Variants in CDH22 observed in about 807,000 individuals in gnomAD.
CDH22 encodes the protein cadherin 22.
In CDH22, 30 loss-of-function variants were observed where a neutral mutation model predicts 58.4. That is an observed-to-expected ratio of 0.51 (90% CI 0.38 to 0.70). The LOEUF is 0.70. Ranked by LOEUF, CDH22 falls within the 30% of genes least tolerant of loss-of-function variation. CDH22 has a pLI of 0.00. For synonymous variants in CDH22, 513 were observed against 558.2 expected (o/e 0.92, Z 1.14); for missense variants, 1,014 against 1,233.9 (o/e 0.82, Z 2.67).
intron 7 of CDH22, among the ~76,000 whole-genome samples, chr20:46,208,494 G>T (rs2086016490): frequency 6.6e-6 from 1 of 151,698 alleles, no homozygotes; most frequent in South Asian, 2.1e-4. Context: ...TTTCTCTCCA[G>T]TCTCTTCCTC....
rs187455214 is a variant in CDH22 at position 46,228,838 on chromosome 20, A to G, written c.551-1211T>C. Among the ~76,000 whole-genome samples, 401 of 152,336 alleles carry G rather than the reference A, an allele frequency of 2.6e-3. 3 individuals carry two copies. Among genetic ancestry groups the G allele is most frequent in the African/African-American group, 9.0e-3 (376 of 41,590 alleles). The stretch of plus-strand genomic sequence containing the variant: ...GGTGAGGCCAGTTCACTGCCTGGCT[A>G]ATGAGTGAGAATCTGGAAGTGCTAC... On this transcript the variant is annotated intron_variant, in intron 3 of 11. Transcript: ENST00000537909.
At chr20:46,243,930 T>C (rs1440825617) in intron 2 of CDH22, among the ~76,000 whole-genome samples, 1 of 152,206 alleles carries the variant, frequency 6.6e-6, no homozygotes, top group African/African-American at 2.4e-5. Flanking sequence ...GTCACATGGC[T>C]AAGTGTGGAA....
At chr20:46,184,527 C>A (rs1013126954) in intron 10 of CDH22, among the ~76,000 whole-genome samples, 13 of 152,188 alleles carry the variant, frequency 8.5e-5, no homozygotes, top group African/African-American at 3.1e-4. Flanking sequence ...TCCTCCACCC[C>A]AGCCACTTAT....
intron 4 of CDH22, 22 bp downstream of exon 4, chr20:46,227,486 C>CA: frequency 6.5e-7 from 1 of 1,545,580 alleles, no homozygotes; most frequent in Admixed American, 1.8e-5. Context: ...GGCTCCGCCT[C>CA]TGGCCCCGCC....
At chr20:46,242,936 GAACCAGC>G (rs1203201607) in intron 2 of CDH22, among the ~76,000 whole-genome samples, 2 of 152,296 alleles carry the variant, frequency 1.3e-5, no homozygotes, top group African/African-American at 4.8e-5. Context: ...CTTGGGTGAG[GAACCAGC>G]AAGACGTCTG....
At chr20:46,282,575 C>G (rs891449268) in intron 1 of CDH22, among the ~76,000 whole-genome samples, 3 of 152,182 alleles carry the variant, frequency 2.0e-5, no homozygotes, top group Non-Finnish European at 4.4e-5. Flanking sequence ...AAAATAAAAA[C>G]ACCAAATGCA....
At chr20:46,249,478 A>G (rs2086354643) in intron 2 of CDH22, among the ~76,000 whole-genome samples, 2 of 152,174 alleles carry the variant, frequency 1.3e-5, no homozygotes, top group Admixed American at 1.3e-4. Flanking sequence ...AGCCACATGT[A>G]TGGAGCTTTG....
chr20:46,189,947 A>ATC (rs1161492408), intron 8 of CDH22, among the ~76,000 whole-genome samples: 4 of 142,710 alleles, frequency 2.8e-5, no homozygotes, highest in Non-Finnish European at 6.2e-5. Flanking sequence ...TTGGTCAGTG[A>ATC]TTTTTTTTTT....
At chr20:46,274,266 T>C (rs1260597133) in intron 1 of CDH22, among the ~76,000 whole-genome samples, 3 of 152,098 alleles carry the variant, frequency 2.0e-5, no homozygotes, top group Non-Finnish European at 2.9e-5. Flanking sequence ...CAGGGCTCTC[T>C]GCTCCTTTCT....
At chr20:46,223,899 G>C (rs1730086803) in intron 4 of CDH22, among the ~76,000 whole-genome samples, 1 of 148,118 alleles carries the variant, frequency 6.8e-6, no homozygotes, top group South Asian at 2.1e-4. Flanking sequence ...TGTCACTCAG[G>C]CTGGAGTGCA....
Position 46,174,384 on chromosome 20 carries a change from C to T in CDH22, c.*122G>A. On this transcript the variant is annotated 3_prime_UTR_variant, in exon 12 of 12. Coordinates refer to ENST00000537909, the MANE Select transcript of CDH22 (RefSeq NM_021248.3). The surrounding 1 kb of genome is among the most constrained non-coding windows in gnomAD (Gnocchi z 4.4). ...GCTCCTAGCAAGTCCCCCCTCCGTC[C>T]AGCCGCCAAGGGAGGGTTGGGGGAG... 1 of 672,216 alleles carries T rather than the reference C, an allele frequency of 1.5e-6. No individual in the cohort carries two copies. Among genetic ancestry groups the T allele is most frequent in the Non-Finnish European group, 2.3e-6 (1 of 429,216 alleles). The allele number at this position is 672,216 out of a possible 1,614,324, so 41.6% of individuals were successfully genotyped here. A position where few individuals can be genotyped will look rare whatever the true frequency, so the allele number is the denominator to read the frequency against.
At chr20:46,296,747 C>T (rs2086630805) in intron 1 of CDH22, among the ~76,000 whole-genome samples, 1 of 152,108 alleles carries the variant, frequency 6.6e-6, no homozygotes, top group Non-Finnish European at 1.5e-5. Context: ...CCACTGCTGT[C>T]TTAGGAGCCT....
rs112162203 is a variant in CDH22, at chr20:46,185,620, C to T, written c.1663+968G>A. 5.0e-3 allele frequency among the ~76,000 whole-genome samples: 762 copies of T among 152,212 alleles called. 10 individuals carry two copies. Among genetic ancestry groups the T allele is most frequent in the African/African-American group, 0.017 (707 of 41,532 alleles). Reference sequence around the variant, plus strand: ...TGGTGTCTCATGCCTATAATCTCAGCTCTTTGGGAGGCCGAGGTAGGAGGA... The same window carrying T: ...TGGTGTCTCATGCCTATAATCTCAGTTCTTTGGGAGGCCGAGGTAGGAGGA... On this transcript the variant is annotated intron_variant, in intron 10 of 11. Transcript: ENST00000537909.
Position 46,174,854 on chromosome 20 carries a change from G to GCCCCCGCCCGCT in CDH22, c.2127_2138dup (p.Ala710_Gly713dup), listed in dbSNP as rs779409495. ...GGGGGCTGCCCGCGCCCCCGCCCGA[G>GCCCCCGCCCGCT]CCCCCGCCCGCTCCCCCGCCCGCGC... On this transcript the variant is annotated inframe_insertion, in exon 12 of 12. Transcript: ENST00000537909. This position sits in a 1 kb window ranked among gnomAD's most constrained non-coding sequence, Gnocchi z 4.4. 358 of 1,113,928 alleles carry GCCCCCGCCCGCT rather than the reference G, an allele frequency of 3.2e-4. 1 individual carries two copies. The African/African-American group carries it at 4.8e-3, about 15-fold the overall frequency. 69.0% of individuals were successfully genotyped at this position (1,113,928 alleles called of 1,614,324 possible).
At chr20:46,246,714 C>T (rs867770863) in intron 2 of CDH22, among the ~76,000 whole-genome samples, 1 of 151,948 alleles carries the variant, frequency 6.6e-6, no homozygotes, top group Non-Finnish European at 1.5e-5. Flanking sequence ...ATGGAGGAGG[C>T]GGTTGTAAAA....
At chr20:46,232,158 A>G (rs1011898000) in intron 3 of CDH22, among the ~76,000 whole-genome samples, 3 of 152,200 alleles carry the variant, frequency 2.0e-5, no homozygotes, top group African/African-American at 7.2e-5. Flanking sequence ...CCAGGCCAGA[A>G]TTCTTTTTTT....
chr20:46,186,412 C>T lies in CDH22; in HGVS notation c.1663+176G>A, dbSNP rs916937881. On this transcript the variant is annotated intron_variant, in intron 10 of 11. Transcript: ENST00000537909. ...CCTCCTCCACTCCACCAACCCACAC[C>T]CTGCTTGTGTTTGGCCAGTGGGCTG... 8.6e-5 allele frequency among the ~76,000 whole-genome samples: 13 copies of T among 151,804 alleles called. 1 individual carries two copies. The highest frequency in any genetic ancestry group is 7.2e-4 in the Admixed American group (11 of 15,210).
intron 1 of CDH22, among the ~76,000 whole-genome samples, chr20:46,265,867 C>T (rs1169249034): frequency 6.6e-6 from 1 of 151,928 alleles, no homozygotes; most frequent in Non-Finnish European, 1.5e-5. Context: ...CTTCCTGTTC[C>T]ACCTCCTGGT....
chr20:46,234,261 A>C (rs1285795654), intron 3 of CDH22, among the ~76,000 whole-genome samples: 1 of 152,258 alleles, frequency 6.6e-6, no homozygotes, highest in Non-Finnish European at 1.5e-5. Context: ...GTTTTGTGCA[A>C]GAAATGATTG....
Sources: gnomAD v4.1 joint callset for allele counts (sites outside exome capture counted in the v4.1 genomes callset) on GRCh38, gnomAD v4.1.1 for gene constraint, Gnocchi (gnomAD v3.1) non-coding constraint, MANE v1.5 for transcripts, NCBI Gene and HGNC (gene_info 2026-07-23, HGNC 2026-07-21) for gene names.